The following FNIP1 variants were observed in gnomAD, a reference collection of about 807,000 sequenced individuals.
FNIP1 encodes folliculin-interacting protein 1.
In FNIP1, 40 loss-of-function variants were observed where a neutral mutation model predicts 124.5. The ratio of observed to expected loss-of-function variants is 0.32; its 90% CI spans 0.25 to 0.42. The LOEUF (loss-of-function observed/expected upper bound fraction) is 0.42. FNIP1 is among the 10% of genes least tolerant of loss of function. The probability of loss-of-function intolerance (pLI) is 1.00; values close to 1 mark genes in which losing one functional copy is unlikely to be tolerated. For synonymous variants in FNIP1, 472 were observed against 470.6 expected (o/e 1.00, Z -0.04); for missense variants, 1,176 against 1,403.7 (o/e 0.84, Z 2.59).
chr5:131,706,673 C>A (rs1769124633), intron 8 of FNIP1, 127 bp from the exon 9 acceptor site: 1 of 972,760 alleles, frequency 1.0e-6, no homozygotes, highest in Admixed American at 3.5e-5. Flanking sequence ...CAAAAATGTT[C>A]ATTAAAAGAA....
rs563065814 is a variant in FNIP1 at position 131,709,987 on chromosome 5, A to G, written c.706+591T>C. On this transcript the variant is annotated intron_variant, in intron 7 of 17. Coordinates refer to ENST00000510461, the MANE Select transcript of FNIP1 (RefSeq NM_133372.3). The stretch of plus-strand genomic sequence containing the variant: ...GTAATCCGCTAAAATGTGTGAAAAC[A>G]AGGAATATGATTAGAATCCTGGATA... 4.2e-4 allele frequency among the ~76,000 whole-genome samples: 64 copies of G among 152,356 alleles called. No individual in the cohort carries two copies. In the South Asian group the frequency reaches 0.013, roughly 32 times the overall value.
intron 16 of FNIP1, 70 bp downstream of exon 16, chr5:131,651,732 T>C (rs1767045474): frequency 6.8e-7 from 1 of 1,475,224 alleles, no homozygotes; most frequent in South Asian, 1.3e-5. Context: ...ACAGCTTTTT[T>C]TCAGAAAAAA....
At chr5:131,718,189 GAA>G (rs542460464) in intron 5 of FNIP1, among the ~76,000 whole-genome samples, 8 of 121,448 alleles carry the variant, frequency 6.6e-5, no homozygotes, top group East Asian at 2.4e-4. Flanking sequence ...GCTCCATCTC[GAA>G]AAAAAAAAAA....
intron 3 of FNIP1, among the ~76,000 whole-genome samples, chr5:131,721,608 C>T (rs910641045): frequency 1.3e-5 from 2 of 152,056 alleles, no homozygotes; most frequent in Non-Finnish European, 2.9e-5. Context: ...ACCAGCCTGG[C>T]CAACATGGTG....
chr5:131,761,590 A>C (rs1043168275), intron 1 of FNIP1, among the ~76,000 whole-genome samples: 1 of 152,192 alleles, frequency 6.6e-6, no homozygotes, highest in Non-Finnish European at 1.5e-5. Flanking sequence ...ATTATGAAAC[A>C]GTGATGAAAG....
chr5:131,782,429 C>T (rs892545461), intron 1 of FNIP1, among the ~76,000 whole-genome samples: 1 of 151,912 alleles, frequency 6.6e-6, no homozygotes, highest in Non-Finnish European at 1.5e-5. Flanking sequence ...AAAAATTGGC[C>T]GGGTGTGGCA....
intron 1 of FNIP1, among the ~76,000 whole-genome samples, chr5:131,748,183 G>A (rs1177280663): frequency 6.6e-6 from 1 of 152,026 alleles, no homozygotes; most frequent in African/African-American, 2.4e-5. Context: ...TAACGTTTTG[G>A]TCAACAACAA....
chr5:131,677,238 C>T (rs903935797), intron 13 of FNIP1, among the ~76,000 whole-genome samples: 2 of 152,184 alleles, frequency 1.3e-5, no homozygotes, highest in Admixed American at 6.5e-5. Context: ...TCTACTCTCC[C>T]CTCTGTTCCC....
At chr5:131,790,738 GAA>G (rs1164888863) in intron 1 of FNIP1, among the ~76,000 whole-genome samples, 1 of 152,206 alleles carries the variant, frequency 6.6e-6, no homozygotes, top group Admixed American at 6.5e-5. Flanking sequence ...TAGTCTGGAA[GAA>G]ATCAGAAAAG....
At chr5:131,671,070 G>C (rs1427676511) in intron 14 of FNIP1, among the ~76,000 whole-genome samples, 1 of 152,190 alleles carries the variant, frequency 6.6e-6, no homozygotes, top group East Asian at 1.9e-4. Context: ...GGTATGTAAT[G>C]TTTCTCAAGC....
In FNIP1 at chr5:131,672,943, G is replaced by A. The variant is rs1379797473; in HGVS notation, c.1520-19C>T. ...AAGTCTCCTGTAATGGAAAAAATCA[G>A]TTATTGGACATGTCCTTTACTGACA... On this transcript the variant is annotated intron_variant, in intron 13 of 17. Transcript: ENST00000510461. 1 of 1,497,908 alleles carries A rather than the reference G, an allele frequency of 6.7e-7. No homozygotes were observed. Among genetic ancestry groups the A allele is most frequent in the Admixed American group, 2.3e-5 (1 of 43,748 alleles). The allele number at this position is 1,497,908 out of a possible 1,614,324, so 92.8% of individuals were successfully genotyped here.
intron 3 of FNIP1, among the ~76,000 whole-genome samples, chr5:131,722,798 G>C (rs1769717582): frequency 6.6e-6 from 1 of 152,144 alleles, no homozygotes; most frequent in Admixed American, 6.5e-5. Flanking sequence ...CAATTCTCCT[G>C]CCTCAGCATC....
At chr5:131,761,124 T>C (rs1771216094) in intron 1 of FNIP1, among the ~76,000 whole-genome samples, 1 of 152,254 alleles carries the variant, frequency 6.6e-6, no homozygotes, top group Admixed American at 6.5e-5. Context: ...ATCTGCTAAC[T>C]GACCAACTTT....
Position 131,796,945 on chromosome 5 carries a change from C to T in FNIP1, c.-24G>A, listed in dbSNP as rs775675374. The T allele has an allele frequency of 1.9e-6, 3 of 1,579,788 alleles. No homozygotes were observed. The Admixed American group carries it at 5.4e-5, about 28-fold the overall frequency. On this transcript the variant is annotated 5_prime_UTR_variant, in exon 1 of 18. Transcript: ENST00000510461. ...ATGCTAGCCACGGCCAGGCAGGGGT[C>T]GCTCCGCTGGGCGCTTGCTAGGCCC...
chr5:131,732,007 G>A (rs532367843), intron 2 of FNIP1, among the ~76,000 whole-genome samples: 12 of 152,200 alleles, frequency 7.9e-5, no homozygotes, highest in Non-Finnish European at 1.6e-4. Context: ...CTTAGGACCA[G>A]ATGGTTGTGC....
At chr5:131,698,365 C>T (rs2149529649) in intron 11 of FNIP1, among the ~76,000 whole-genome samples, 1 of 152,290 alleles carries the variant, frequency 6.6e-6, no homozygotes, top group Admixed American at 6.5e-5. Flanking sequence ...CCCAACATAA[C>T]ATCATTTGTA....
At chr5:131,667,849 A>C (rs1270471369) in intron 15 of FNIP1, among the ~76,000 whole-genome samples, 1 of 152,148 alleles carries the variant, frequency 6.6e-6, no homozygotes, top group Non-Finnish European at 1.5e-5. Flanking sequence ...CGGCCTCCCA[A>C]AGTGCTGGGA....
chr5:131,667,014 A>G (rs1378954194), intron 15 of FNIP1, among the ~76,000 whole-genome samples: 2 of 152,216 alleles, frequency 1.3e-5, no homozygotes, highest in Admixed American at 1.3e-4. Context: ...AACAAATAAT[A>G]GGCACTTCAT....
At chr5:131,715,975 A>T (rs1234770568) in intron 6 of FNIP1, among the ~76,000 whole-genome samples, 2 of 152,212 alleles carry the variant, frequency 1.3e-5, no homozygotes, top group African/African-American at 4.8e-5. Context: ...GCAATACAGC[A>T]GCAGTTCAGT....
Sources: gnomAD v4.1 joint callset for allele counts (sites outside exome capture counted in the v4.1 genomes callset) on GRCh38, gnomAD v4.1.1 for gene constraint, MANE v1.5 for transcripts, NCBI Gene and HGNC (gene_info 2026-07-23, HGNC 2026-07-21) for gene names.